PHLPP1: variants seen among roughly 807,000 people sequenced by gnomAD.
PHLPP1 encodes PH domain leucine-rich repeat-containing protein phosphatase 1.
Under a neutral mutation model 117.2 loss-of-function variants are expected in PHLPP1, and 42 were observed. The observed-to-expected ratio is 0.36, with a 90% CI of 0.28 to 0.46. PHLPP1 has a LOEUF of 0.46. PHLPP1 is among the 20% of genes least tolerant of loss of function. PHLPP1 has a pLI of 1.00. For missense variants in PHLPP1, 2,084 were observed against 2,241.9 expected (o/e 0.93, Z 1.42); for synonymous variants, 1,042 against 970.7 (o/e 1.07, Z -1.37).
intron 12 of PHLPP1, among the ~76,000 whole-genome samples, chr18:62,956,282 TCTCATAGATAGTTC>T (rs1910609127): frequency 6.6e-6 from 1 of 152,178 alleles, no homozygotes; most frequent in Non-Finnish European, 1.5e-5. Context: ...AGGCCCCATT[TCTCATAGATAGTTC>T]CTTCCATGTA....
At chr18:62,898,758 G>A (rs1389255444) in intron 6 of PHLPP1, among the ~76,000 whole-genome samples, 3 of 152,060 alleles carry the variant, frequency 2.0e-5, no homozygotes, top group Admixed American at 2.0e-4. Context: ...GATTCTTGCT[G>A]TACAGGGAAT....
chr18:62,789,740 T>C lies in PHLPP1; in HGVS notation c.1577-40295T>C, dbSNP rs1055573809. Among the ~76,000 whole-genome samples, 3 of 152,272 alleles carry C rather than the reference T, an allele frequency of 2.0e-5. No individual in the cohort carries two copies. In the South Asian group the frequency reaches 6.2e-4, roughly 32 times the overall value. On this transcript the variant is annotated intron_variant, in intron 1 of 16. Coordinates refer to ENST00000262719, the MANE Select transcript of PHLPP1 (RefSeq NM_194449.4). Reference sequence around the variant, plus strand: ...GCTGTTTGGAATGCACCTTTTTAGTTCTATAGGGCTGGGAAGTTCTGAGTG... The same window carrying C: ...GCTGTTTGGAATGCACCTTTTTAGTCCTATAGGGCTGGGAAGTTCTGAGTG...
chr18:62,849,456 T>C (rs1170116637), intron 3 of PHLPP1, among the ~76,000 whole-genome samples: 1 of 151,086 alleles, frequency 6.6e-6, no homozygotes, highest in Non-Finnish European at 1.5e-5. Context: ...AGGTCAGGAG[T>C]TCGAGACCAC....
chr18:62,735,011 A>G (rs1306167441), intron 1 of PHLPP1, among the ~76,000 whole-genome samples: 4 of 151,862 alleles, frequency 2.6e-5, no homozygotes, highest in Non-Finnish European at 4.4e-5. Context: ...TTCTACAAAC[A>G]TCTTGGAACT....
intron 3 of PHLPP1, among the ~76,000 whole-genome samples, chr18:62,853,987 G>A (rs1915430749): frequency 6.6e-6 from 1 of 152,190 alleles, no homozygotes; most frequent in South Asian, 2.1e-4. Context: ...CTATAAGACA[G>A]GACTTAGTCT....
chr18:62,812,656 G>A (rs1914157264), intron 1 of PHLPP1, among the ~76,000 whole-genome samples: 1 of 152,020 alleles, frequency 6.6e-6, no homozygotes. Context: ...TTGTTTCAGC[G>A]AAGTTCAGTT....
intron 12 of PHLPP1, among the ~76,000 whole-genome samples, chr18:62,946,910 G>A (rs910778676): frequency 1.3e-5 from 2 of 152,066 alleles, no homozygotes; most frequent in African/African-American, 2.4e-5. Flanking sequence ...AAAATTAGCC[G>A]GGCATGGTGG....
chr18:62,950,614 A>C (rs1004365120), intron 12 of PHLPP1, among the ~76,000 whole-genome samples: 21 of 152,238 alleles, frequency 1.4e-4, no homozygotes, highest in African/African-American at 4.8e-4. Flanking sequence ...GGATATGAAG[A>C]CAGGTCAGGA....
intron 4 of PHLPP1, among the ~76,000 whole-genome samples, chr18:62,874,687 ACACACT>A (rs1916001633): frequency 7.3e-6 from 1 of 137,158 alleles, no homozygotes; most frequent in Non-Finnish European, 1.6e-5. Flanking sequence ...ACACACACAC[ACACACT>A]CTCGCTCTCT....
At chr18:62,719,940 G>A (rs1444763720) in intron 1 of PHLPP1, among the ~76,000 whole-genome samples, 1 of 152,144 alleles carries the variant, frequency 6.6e-6, no homozygotes, top group Non-Finnish European at 1.5e-5. Context: ...TCTGGGTAAA[G>A]TAAAATGAAA....
chr18:62,964,959 G>A (rs1191084845), intron 14 of PHLPP1, among the ~76,000 whole-genome samples: 2 of 152,128 alleles, frequency 1.3e-5, no homozygotes, highest in Non-Finnish European at 2.9e-5. Context: ...AGTACCATTT[G>A]TGTACAGCAA....
intron 1 of PHLPP1, among the ~76,000 whole-genome samples, chr18:62,723,731 A>G (rs1195470646): frequency 1.3e-5 from 2 of 152,030 alleles, no homozygotes; most frequent in Non-Finnish European, 2.9e-5. Context: ...TTGGGAAACA[A>G]TTTTTTCCTT....
chr18:62,844,270 C>T (rs1341211698), intron 3 of PHLPP1, among the ~76,000 whole-genome samples: 2 of 152,068 alleles, frequency 1.3e-5, no homozygotes, highest in Non-Finnish European at 2.9e-5. Context: ...ACCCAGGAGG[C>T]GAAGGTTGCA....
At chr18:62,732,757 T>C (rs1393994258) in intron 1 of PHLPP1, among the ~76,000 whole-genome samples, 1 of 152,250 alleles carries the variant, frequency 6.6e-6, no homozygotes, top group Non-Finnish European at 1.5e-5. Flanking sequence ...TTGTGATTCA[T>C]GGGAGGAGAA....
intron 1 of PHLPP1, among the ~76,000 whole-genome samples, chr18:62,818,134 A>G (rs1914347068): frequency 6.6e-6 from 1 of 152,022 alleles, no homozygotes; most frequent in African/African-American, 2.4e-5. Context: ...GTGAGCCACC[A>G]TGCCCGGGCC....
intron 2 of PHLPP1, among the ~76,000 whole-genome samples, chr18:62,831,783 A>G (rs1416552182): frequency 6.6e-6 from 1 of 152,230 alleles, no homozygotes; most frequent in Non-Finnish European, 1.5e-5. Flanking sequence ...GTCTTTCCTT[A>G]TGAATAAATA....
intron 8 of PHLPP1, among the ~76,000 whole-genome samples, chr18:62,912,314 A>G (rs948055411): frequency 8.2e-6 from 1 of 122,254 alleles, no homozygotes; most frequent in Non-Finnish European, 1.9e-5. Flanking sequence ...AAAAAAAAAA[A>G]TTAAAAAAAA....
At chr18:62,958,888 A>C in intron 13 of PHLPP1, 129 bp downstream of exon 13, 1 of 994,346 alleles carries the variant, frequency 1.0e-6, no homozygotes. Context: ...ACACAACAGG[A>C]TATACAAGAT....
intron 1 of PHLPP1, among the ~76,000 whole-genome samples, chr18:62,791,323 A>G (rs1358976792): frequency 2.0e-5 from 3 of 152,178 alleles, no homozygotes; most frequent in Non-Finnish European, 4.4e-5. Context: ...CTAGCCTGAC[A>G]GCACTGTGTA....
Sources: allele counts gnomAD v4.1 joint callset (sites outside exome capture counted in the v4.1 genomes callset), GRCh38; gene constraint gnomAD v4.1.1; transcripts MANE v1.5; gene names NCBI Gene and HGNC (gene_info 2026-07-23, HGNC 2026-07-21).